The following CLN8 variants were observed in gnomAD, a reference collection of about 807,000 sequenced individuals.
CLN8 encodes the protein CLN8 transmembrane ER and ERGIC protein.
In CLN8, 14 loss-of-function variants were observed where a neutral mutation model predicts 15.7. The observed-to-expected ratio is 0.89, with a 90% CI of 0.59 to 1.39. CLN8 has a LOEUF of 1.39. CLN8 is among the 40% of genes most tolerant of loss of function. The pLI, the probability that CLN8 is intolerant of heterozygous loss-of-function variation, is 0.00. For missense variants in CLN8, 415 were observed against 364.0 expected (o/e 1.14, Z -1.14); for synonymous variants, 188 against 151.0 (o/e 1.25, Z -1.80).
At chr8:1,758,916 G>A (rs1209336917), upstream of CLN8, 1 of 152,202 alleles carries the variant, frequency 6.6e-6, no homozygotes, top group East Asian at 1.9e-4. Flanking sequence ...GACCTGGAAA[G>A]GGAAGGGGAT....
intron 2 of CLN8, among the ~76,000 whole-genome samples, chr8:1,774,607 C>T (rs1028127074): frequency 1.3e-5 from 2 of 152,160 alleles, no homozygotes; most frequent in African/African-American, 4.8e-5. Flanking sequence ...CTAAGTCAAG[C>T]ACAGTGGCTT....
chr8:1,754,720 G>A (rs1800627461), upstream of CLN8, among the ~76,000 whole-genome samples: 3 of 152,348 alleles, frequency 2.0e-5, no homozygotes, highest in South Asian at 6.2e-4. Flanking sequence ...AAAGTGGAGA[G>A]CAGGGACTAT....
At chr8:1,769,308 C>T (rs1000966931) in intron 1 of CLN8, among the ~76,000 whole-genome samples, 2 of 152,132 alleles carry the variant, frequency 1.3e-5, no homozygotes, top group African/African-American at 4.8e-5. Flanking sequence ...GGGGTGTGGT[C>T]ACAGCGACCT....
chr8:1,760,913 TG>T (rs762585615), upstream of CLN8, among the ~76,000 whole-genome samples: 4 of 151,062 alleles, frequency 2.6e-5, no homozygotes, highest in Non-Finnish European at 5.9e-5. Flanking sequence ...TAAGTGCAGG[TG>T]GGCTGGCAGT....
intron 1 of CLN8, among the ~76,000 whole-genome samples, chr8:1,757,272 G>A (rs1437721382): frequency 6.6e-6 from 1 of 152,174 alleles, no homozygotes; most frequent in Admixed American, 6.5e-5. Flanking sequence ...CTGAAGGTCA[G>A]CAGCAGCAAC....
rs1033021385 is a variant in CLN8 at position 1,786,076 on chromosome 8, G to A, written c.*5509G>A. 4.6e-5 allele frequency: 7 copies of A among 152,892 alleles called. No homozygotes were observed. The South Asian group carries it at 6.2e-4, about 13-fold the overall frequency. 9.5% of individuals were successfully genotyped at this position (152,892 alleles called of 1,614,324 possible). A position where few individuals can be genotyped will look rare whatever the true frequency, so the allele number is the denominator to read the frequency against. ...GTCAGAATATGCCCAGCCTGCGGGG[G>A]CTCTCTATCGGGGTCTTCGAGAGCC... is the stretch of plus-strand genomic sequence containing the variant. On this transcript the variant is annotated 3_prime_UTR_variant, in exon 3 of 3. Transcript: ENST00000331222.
At chr8:1,755,795 C>A (rs1357297086) in exon 1 of CLN8, 5 of 152,174 alleles carry the variant, frequency 3.3e-5, no homozygotes, top group African/African-American at 1.2e-4. Flanking sequence ...TCCATGCTTG[C>A]AGAGTCATCT....
At chr8:1,763,336 C>G (rs943083324), upstream of CLN8, 10 of 145,510 alleles carry the variant, frequency 6.9e-5, no homozygotes, top group African/African-American at 2.5e-4. Context: ...CCCGGCCCCG[C>G]CCCTCCCGCC....
In CLN8 at chr8:1,784,484, C is replaced by G. The variant is rs1413057443; in HGVS notation, c.*3917C>G. 1 of 152,166 alleles carries G rather than the reference C, an allele frequency of 6.6e-6. No individual in the cohort carries two copies. Among genetic ancestry groups the G allele is most frequent in the Non-Finnish European group, 1.5e-5 (1 of 68,070 alleles). 9.4% of individuals were successfully genotyped at this position (152,166 alleles called of 1,614,324 possible). On this transcript the variant is annotated 3_prime_UTR_variant, in exon 3 of 3. Coordinates refer to ENST00000331222, the MANE Select transcript of CLN8 (RefSeq NM_018941.4). The stretch of plus-strand genomic sequence containing the variant: ...CATTTGCAAGAGTAGGGGGCCCCAC[C>G]TCTTAATACCACCGCAATGACAATT...
rs141399498 is a variant in CLN8, at chr8:1,778,821, C to G, written c.544-1429C>G. Among the ~76,000 whole-genome samples, 8 of 152,234 alleles carry G rather than the reference C, an allele frequency of 5.3e-5. No homozygotes were observed. In the East Asian group the frequency reaches 1.5e-3, roughly 29 times the overall value. On this transcript the variant is annotated intron_variant, in intron 2 of 2. Transcript: ENST00000331222. The stretch of plus-strand genomic sequence containing the variant: ...TGTCCTCACATTAATTTTTTCAGTC[C>G]AGACTTAGAATAGATGCTCTTTGAC...
In CLN8 at chr8:1,781,938, A is replaced by G. The variant is rs1801721179; in HGVS notation, c.*1371A>G. 6.9e-6 allele frequency: 1 copy of G among 144,008 alleles called. No homozygotes were observed. Among genetic ancestry groups the G allele is most frequent in the African/African-American group, 2.7e-5 (1 of 37,718 alleles). 8.9% of individuals were successfully genotyped at this position (144,008 alleles called of 1,614,324 possible). The stretch of plus-strand genomic sequence containing the variant: ...TACACAGCAATTTAGCAATGTTGTT[A>G]ACAGACATACAGAATTGTGTGTGTG... On this transcript the variant is annotated 3_prime_UTR_variant, in exon 3 of 3. Coordinates refer to ENST00000331222, the MANE Select transcript of CLN8 (RefSeq NM_018941.4).
At chr8:1,756,409 A>G (rs1405983181) in intron 1 of CLN8, among the ~76,000 whole-genome samples, 1 of 151,146 alleles carries the variant, frequency 6.6e-6, no homozygotes. Flanking sequence ...GCTTGAACTC[A>G]GGAGGCAGAG....
At chr8:1,764,810 C>T (rs1466175692) in intron 1 of CLN8, 1 of 146,128 alleles carries the variant, frequency 6.8e-6, no homozygotes, top group Non-Finnish European at 1.5e-5. Context: ...GTAGATTCTG[C>T]TGTAAGTGAC....
upstream of CLN8, chr8:1,760,210 G>A (rs1490093450): frequency 6.6e-6 from 1 of 152,080 alleles, no homozygotes; most frequent in Non-Finnish European, 1.5e-5. Context: ...CGTGGATAAT[G>A]GTGCCTGCGT....
upstream of CLN8, chr8:1,759,680 C>T (rs968657336): frequency 6.6e-6 from 1 of 152,222 alleles, no homozygotes; most frequent in Non-Finnish European, 1.5e-5. Flanking sequence ...AGAAGCTGAG[C>T]AGCTGATCTG....
intron 2 of CLN8, chr8:1,773,890 A>T (rs1317148004): frequency 6.6e-6 from 1 of 152,254 alleles, no homozygotes; most frequent in East Asian, 1.9e-4. Flanking sequence ...TACCACATCA[A>T]TGTCCCAAGT....
intron 1 of CLN8, among the ~76,000 whole-genome samples, chr8:1,767,729 G>A (rs989014181): frequency 4.0e-5 from 6 of 151,524 alleles, no homozygotes; most frequent in African/African-American, 1.2e-4. Context: ...GTACCACCAC[G>A]CCCAGCTAAT....
chr8:1,777,054 G>A (rs185117412), intron 2 of CLN8, among the ~76,000 whole-genome samples: 21 of 152,238 alleles, frequency 1.4e-4, no homozygotes, highest in Admixed American at 1.0e-3. Context: ...AGGCTATTTT[G>A]TCATCGAGTG....
At chr8:1,779,039 G>A (rs191237763) in intron 2 of CLN8, among the ~76,000 whole-genome samples, 182 of 152,296 alleles carry the variant, frequency 1.2e-3, no homozygotes, top group Non-Finnish European at 8.1e-4. Flanking sequence ...AACAGCTCAT[G>A]TAATTCAGTG....
Sources: allele counts gnomAD v4.1 joint callset (sites outside exome capture counted in the v4.1 genomes callset), GRCh38; gene constraint gnomAD v4.1.1; transcripts MANE v1.5; gene names NCBI Gene and HGNC (gene_info 2026-07-23, HGNC 2026-07-21).